Variants in COL7A1 observed in about 807,000 individuals in gnomAD.
COL7A1 encodes collagen alpha-1(VII) chain.
COL7A1 carries 296 observed loss-of-function variants against 456.2 expected under a neutral mutation model. The ratio of observed to expected loss-of-function variants is 0.65; its 90% confidence interval spans 0.59 to 0.71. The LOEUF (loss-of-function observed/expected upper bound fraction) is 0.71. Ranked by LOEUF, COL7A1 falls within the 30% of genes least tolerant of loss-of-function variation. The pLI is 0.00. For missense variants in COL7A1, 3,441 were observed against 4,017.2 expected (o/e 0.86, Z 3.88); for synonymous variants, 1,464 against 1,525.9 (o/e 0.96, Z 0.95).
chr3:48,567,921 T>G lies in COL7A1; in HGVS notation c.7876-30A>C. On this transcript the variant is annotated intron_variant, in intron 106 of 118. Coordinates refer to ENST00000681320, the MANE Select transcript of COL7A1 (RefSeq NM_000094.4). This position sits in a 1 kb window ranked among gnomAD's most constrained non-coding sequence, Gnocchi z 4.3. ...GGGAGAAAAGCAGATGAAGAAGTGA[T>G]TCCCAGACACCTCACTCTGTGACCC... The G allele has an allele frequency of 6.2e-7, 1 of 1,613,808 alleles. No individual in the cohort carries two copies. Among genetic ancestry groups the G allele is most frequent in the East Asian group, 2.2e-5 (1 of 44,874 alleles).
Position 48,581,520 on chromosome 3 carries a change from G to A in COL7A1, c.4783-37C>T, listed in dbSNP as rs374790444. On this transcript the variant is annotated intron_variant, in intron 50 of 118. Coordinates refer to ENST00000681320, the MANE Select transcript of COL7A1 (RefSeq NM_000094.4). This position sits in a 1 kb window ranked among gnomAD's most constrained non-coding sequence, Gnocchi z 5.8. ...AGAAGGGGGGCAGGACTTAGTCAGG[G>A]TCCCACCACCTCATCTCCCTCTGTC... The A allele has an allele frequency of 4.0e-5, 65 of 1,613,870 alleles. No individual in the cohort carries two copies. The highest frequency in any genetic ancestry group is 4.7e-5 in the Non-Finnish European group (55 of 1,179,992).
At chr3:48,577,212 T>C (rs2044373027) in intron 65 of COL7A1, among the ~76,000 whole-genome samples, 185 bp from the exon 66 acceptor site, 1 of 152,266 alleles carries the variant, frequency 6.6e-6, no homozygotes, top group African/African-American at 2.4e-5. Flanking sequence ...TGTGCCTGCA[T>C]AGGCCTGCTC....
At position 48,568,864 on chromosome 3, in the gene COL7A1, G is replaced by A; in HGVS notation, c.7687-9C>T. The A allele has an allele frequency of 6.4e-7, 1 of 1,570,382 alleles. No individual in the cohort carries two copies. The highest frequency in any genetic ancestry group is 8.6e-7 in the Non-Finnish European group (1 of 1,156,326). On this transcript the variant is annotated splice_polypyrimidine_tract_variant and intron_variant, in intron 103 of 118. Coordinates refer to ENST00000681320, the MANE Select transcript of COL7A1 (RefSeq NM_000094.4). This position sits in a 1 kb window ranked among gnomAD's most constrained non-coding sequence, Gnocchi z 5.2. ...GGCTCTCCCTTGCTGCCCTGTGGGAGTGACCAGGAGAGGGATTCAGTCAGG... is the reference window on the plus strand; with the variant it reads ...GGCTCTCCCTTGCTGCCCTGTGGGAATGACCAGGAGAGGGATTCAGTCAGG...
chr3:48,580,423 G>C lies in COL7A1; in HGVS notation c.5053-79C>G, dbSNP rs1471982791. 16 of 1,544,390 alleles carry C rather than the reference G, an allele frequency of 1.0e-5. No individual in the cohort carries two copies. The highest frequency in any genetic ancestry group is 1.3e-5 in the Non-Finnish European group (15 of 1,129,166). Reference sequence around the variant, plus strand: ...CTTTGGAAGCACCATGAGGACTCATGGGAATGTTGGTAGCCTTCAGATGCG... The same window carrying C: ...CTTTGGAAGCACCATGAGGACTCATCGGAATGTTGGTAGCCTTCAGATGCG... On this transcript the variant is annotated intron_variant, in intron 55 of 118. Coordinates refer to ENST00000681320, the MANE Select transcript of COL7A1 (RefSeq NM_000094.4). The surrounding 1 kb of genome is among the most constrained non-coding windows in gnomAD (Gnocchi z 4.5).
rs2229818 is a variant in COL7A1 at position 48,587,100 on chromosome 3, G to A, written c.3148C>T (p.Arg1050Cys). 1.6e-5 allele frequency: 26 copies of A among 1,612,768 alleles called. No individual in the cohort carries two copies. The highest frequency in any genetic ancestry group is 9.9e-5 in the South Asian group (9 of 90,828). Residue 1050 changes from arginine to cysteine, a missense_variant, in exon 25 of 119, where the codon CGT becomes TGT. Physicochemically the swap from Arg to Cys is radical, Grantham distance 180. Coordinates refer to ENST00000681320, the MANE Select transcript of COL7A1 (RefSeq NM_000094.4). The surrounding 1 kb of genome is among the most constrained non-coding windows in gnomAD (Gnocchi z 6.1). ...ASVTQTPVCP[R>C]GLADVVFLPH... ...AGGAACACCACATCCGCCAGGCCAC[G>A]GGGGCACACTGTAGGAAGGGGAACA... is the stretch of plus-strand genomic sequence containing the variant.
Position 48,578,421 on chromosome 3 carries a change from G to C in COL7A1, c.5487+32C>G, listed in dbSNP as rs965023818. ...GGGATCGGGTGAGGGTAGTAAGGGG[G>C]AAAAGGGGGTAACATGAAAGTCTGG... is the stretch of plus-strand genomic sequence containing the variant. On this transcript the variant is annotated intron_variant, in intron 64 of 118. Coordinates refer to ENST00000681320, the MANE Select transcript of COL7A1 (RefSeq NM_000094.4). The surrounding 1 kb of genome is among the most constrained non-coding windows in gnomAD (Gnocchi z 4.7). The C allele has an allele frequency of 1.9e-6, 3 of 1,613,414 alleles. No homozygotes were observed. The highest frequency in any genetic ancestry group is 2.5e-6 in the Non-Finnish European group (3 of 1,180,014).
chr3:48,568,722 A>ATG lies in COL7A1; in HGVS notation c.7758+60_7758+61dup, dbSNP rs914561962. On this transcript the variant is annotated intron_variant, in intron 104 of 118. Coordinates refer to ENST00000681320, the MANE Select transcript of COL7A1 (RefSeq NM_000094.4). The surrounding 1 kb of genome is among the most constrained non-coding windows in gnomAD (Gnocchi z 5.2). ...CAGCACTTAAGAGGACCCCCAGGAT[A>ATG]TGTGTGTGTGTGATGCTGGCTCTGG... 1.5e-5 allele frequency: 22 copies of ATG among 1,512,160 alleles called. No homozygotes were observed. The highest frequency in any genetic ancestry group is 1.8e-4 in the Middle Eastern group (1 of 5,436). The allele number at this position is 1,512,160 out of a possible 1,614,324, so 93.7% of individuals were successfully genotyped here.
rs750662099 is a variant in COL7A1, at chr3:48,589,332, C to T, written c.2309G>A (p.Arg770Lys). The T allele has an allele frequency of 6.2e-7, 1 of 1,612,738 alleles. No homozygotes were observed. Among genetic ancestry groups the T allele is most frequent in the South Asian group, 1.1e-5 (1 of 91,054 alleles). ...GCTGGCCAGGGTCCACTCACCAGTC[C>T]TCACAACCACAGAGGCAGGGGGCCC... ...VDGPPASVVVRTAPEPVGRVS... is the reference protein window; with the variant it reads ...VDGPPASVVVKTAPEPVGRVS... Residue 770 changes from arginine to lysine, a missense_variant, in exon 18 of 119, where the codon AGG becomes AAG. Physicochemically the swap from Arg to Lys is conservative, Grantham distance 26. Coordinates refer to ENST00000681320, the MANE Select transcript of COL7A1 (RefSeq NM_000094.4).
Position 48,575,267 on chromosome 3 carries a change from G to C in COL7A1, c.6181-25C>G. The C allele has an allele frequency of 6.2e-7, 1 of 1,613,850 alleles. No individual in the cohort carries two copies. The highest frequency in any genetic ancestry group is 1.7e-5 in the Admixed American group (1 of 60,012). ...CCTGAAATGCAAATAGCGGGTGAGGGCCAAGCCCATGGGGGGTCCCACCCC... is the reference window on the plus strand; with the variant it reads ...CCTGAAATGCAAATAGCGGGTGAGGCCCAAGCCCATGGGGGGTCCCACCCC... On this transcript the variant is annotated intron_variant, in intron 74 of 118. Transcript: ENST00000681320. This position sits in a 1 kb window ranked among gnomAD's most constrained non-coding sequence, Gnocchi z 6.3.
At chr3:48,582,843 G>A (rs1185350321) in intron 44 of COL7A1, among the ~76,000 whole-genome samples, 170 bp downstream of exon 44, 1 of 152,140 alleles carries the variant, frequency 6.6e-6, no homozygotes, top group African/African-American at 2.4e-5. Context: ...CAGGGTCAGA[G>A]GTTCAAAGCC....
rs765987813 is a variant in COL7A1, at chr3:48,575,201, G to A, written c.6216+6C>T. 1 of 1,613,980 alleles carries A rather than the reference G, an allele frequency of 6.2e-7. No individual in the cohort carries two copies. Among genetic ancestry groups the A allele is most frequent in the Non-Finnish European group, 8.5e-7 (1 of 1,179,966 alleles). ...AGCCTGCCCCACGAAGCCCATCGCA[G>A]CCCACCTGTTCTCCACGTTCTCCTT... On this transcript the variant is annotated splice_donor_region_variant and intron_variant, in intron 75 of 118. Transcript: ENST00000681320. The surrounding 1 kb of genome is among the most constrained non-coding windows in gnomAD (Gnocchi z 6.3).
chr3:48,573,918 C>G lies in COL7A1; in HGVS notation c.6502-28G>C, dbSNP rs1417195917. Reference sequence around the variant, plus strand: ...ACATAGAGAGGGCACTGATGAGCCTCAATCTGGGCCTCACTTGGGCCTGTT... The same window carrying G: ...ACATAGAGAGGGCACTGATGAGCCTGAATCTGGGCCTCACTTGGGCCTGTT... On this transcript the variant is annotated intron_variant, in intron 80 of 118. Transcript: ENST00000681320. The surrounding 1 kb of genome is among the most constrained non-coding windows in gnomAD (Gnocchi z 5.5). The G allele has an allele frequency of 6.2e-7, 1 of 1,611,956 alleles. No homozygotes were observed. The highest frequency in any genetic ancestry group is 1.7e-5 in the Admixed American group (1 of 59,906).
At position 48,569,662 on chromosome 3, in the gene COL7A1, C is replaced by T; in HGVS notation, c.7558-14G>A. 6.2e-7 allele frequency: 1 copy of T among 1,614,008 alleles called. No individual in the cohort carries two copies. The highest frequency in any genetic ancestry group is 8.5e-7 in the Non-Finnish European group (1 of 1,179,962). ...AGCTGAGTCTCCCTGAGGGGGCAGG[C>T]AGGAATCAGAGGAGTCGGGAGCACC... is the stretch of plus-strand genomic sequence containing the variant. On this transcript the variant is annotated splice_polypyrimidine_tract_variant and intron_variant, in intron 101 of 118. Transcript: ENST00000681320. This position sits in a 1 kb window ranked among gnomAD's most constrained non-coding sequence, Gnocchi z 4.9.
intron 36 of COL7A1, 44 bp downstream of exon 36, chr3:48,584,441 T>TC (rs2045067019): frequency 6.2e-7 from 1 of 1,612,630 alleles, no homozygotes; most frequent in Non-Finnish European, 8.5e-7. Flanking sequence ...CTCGTGTTGG[T>TC]CCCCCCACTA....
At position 48,590,425 on chromosome 3, in the gene COL7A1, C is replaced by T. The variant is rs773764715; in HGVS notation, c.1906+34G>A. On this transcript the variant is annotated intron_variant, in intron 15 of 118. Transcript: ENST00000681320. This position sits in a 1 kb window ranked among gnomAD's most constrained non-coding sequence, Gnocchi z 4.6. The stretch of plus-strand genomic sequence containing the variant: ...TCTGGCACCCATACCCTCATTGGTC[C>T]CTTTGGCAGTCCCCCCACACACCCC... The T allele has an allele frequency of 2.2e-5, 35 of 1,613,946 alleles. No homozygotes were observed. The highest frequency in any genetic ancestry group is 3.0e-5 in the Non-Finnish European group (35 of 1,180,014).
Position 48,569,601 on chromosome 3 carries a change from C to T in COL7A1, c.7605G>A (p.Lys2535=), listed in dbSNP as rs375555530. ...ILGPPGPRGA[K]GDMGERGPRG... ...ACGTGGGCCCACTCACCATGTCCCC[C>T]TTGGCACCCCGTGGGCCTGGAGGCC... Residue 2535 remains lysine (K), a synonymous_variant, in exon 102 of 119, where the codon AAG becomes AAA. Transcript: ENST00000681320. This position sits in a 1 kb window ranked among gnomAD's most constrained non-coding sequence, Gnocchi z 4.9. 4.3e-6 allele frequency: 7 copies of T among 1,613,780 alleles called. No homozygotes were observed. In the Admixed American group the frequency reaches 8.3e-5, roughly 19 times the overall value.
In COL7A1 at chr3:48,582,070, G is replaced by A. The variant is rs929825754; in HGVS notation, c.4636-127C>T. On this transcript the variant is annotated intron_variant, in intron 47 of 118. Coordinates refer to ENST00000681320, the MANE Select transcript of COL7A1 (RefSeq NM_000094.4). ...TCAGTCCCCGCCCAGAAGTCACAGA[G>A]TCACCGCTGACAGCAGGGAAGGGGT... 4 of 1,404,532 alleles carry A rather than the reference G, an allele frequency of 2.8e-6. No individual in the cohort carries two copies. The African/African-American group carries it at 4.2e-5, about 15-fold the overall frequency. The allele number at this position is 1,404,532 out of a possible 1,614,324, so 87.0% of individuals were successfully genotyped here.
chr3:48,588,175 C>A lies in COL7A1; in HGVS notation c.2710+107G>T, dbSNP rs567123364. ...ACCTACTGTCACGGATCCCGCAGACCCCCAGTGACAGACCCCGCCCACCAT... is the reference window on the plus strand; with the variant it reads ...ACCTACTGTCACGGATCCCGCAGACACCCAGTGACAGACCCCGCCCACCAT... On this transcript the variant is annotated intron_variant, in intron 21 of 118. Transcript: ENST00000681320. This position sits in a 1 kb window ranked among gnomAD's most constrained non-coding sequence, Gnocchi z 4.6. The A allele has an allele frequency of 3.5e-5, 54 of 1,548,188 alleles. 1 individual carries two copies. The South Asian group carries it at 5.8e-4, about 17-fold the overall frequency.
Position 48,586,305 on chromosome 3 carries a change from C to A in COL7A1, c.3550+27G>T. 1 of 1,613,816 alleles carries A rather than the reference C, an allele frequency of 6.2e-7. No homozygotes were observed. The highest frequency in any genetic ancestry group is 1.1e-5 in the South Asian group (1 of 91,080). ...TTTCAGGGCCACCCCTATTCCCAGA[C>A]CCCTTCCCCATCAGCCTACTCCTTA... On this transcript the variant is annotated intron_variant, in intron 27 of 118. Transcript: ENST00000681320. The surrounding 1 kb of genome is among the most constrained non-coding windows in gnomAD (Gnocchi z 5.1).
Sources: allele counts gnomAD v4.1 joint callset (sites outside exome capture counted in the v4.1 genomes callset), GRCh38; gene constraint gnomAD v4.1.1; non-coding constraint Gnocchi (gnomAD v3.1); transcripts MANE v1.5; gene names NCBI Gene and HGNC (gene_info 2026-07-23, HGNC 2026-07-21).